Variants in UNC13B observed in about 807,000 individuals in gnomAD.
The protein encoded by UNC13B is protein unc-13 homolog B.
UNC13B carries 144 observed loss-of-function variants against 211.0 expected under a neutral mutation model. The observed-to-expected ratio is 0.68, with a 90% CI of 0.60 to 0.78. The LOEUF (loss-of-function observed/expected upper bound fraction) is 0.78. Ranked by LOEUF, UNC13B falls within the 30% of genes least tolerant of loss-of-function variation. The pLI is 0.00. For synonymous variants in UNC13B, 709 were observed against 725.8 expected, an observed-to-expected ratio of 0.98 and a Z score of 0.37; for missense variants, 1,777 against 2,002.0, an observed-to-expected ratio of 0.89 and a Z score of 2.14.
In UNC13B at chr9:35,245,018, C is replaced by CTT. The variant is rs561154416; in HGVS notation, c.468+1656_468+1657dup. On this transcript the variant is annotated intron_variant, in intron 6 of 39. Transcript: ENST00000635942. Reference sequence around the variant, plus strand: ...CTTCATTGTTGAAAGCTCCAGTCCTCTTTCTCCACTTAGTAACTCTGAGCA... The same window carrying CTT: ...CTTCATTGTTGAAAGCTCCAGTCCTCTTTTTCTCCACTTAGTAACTCTGAGCA... Among the ~76,000 whole-genome samples, 129 of 152,278 alleles carry CTT rather than the reference C, an allele frequency of 8.5e-4. 4 individuals carry two copies. In the South Asian group the frequency reaches 0.025, roughly 30 times the overall value.
In UNC13B at chr9:35,364,135, G is replaced by A. The variant is rs1346829709; in HGVS notation, c.9415-2812G>A. Among the ~76,000 whole-genome samples, 7 of 130,656 alleles carry A rather than the reference G, an allele frequency of 5.4e-5. 3 individuals are homozygous for A. The highest frequency in any genetic ancestry group is 3.3e-4 in the African/African-American group (7 of 21,504). The allele number at this position is 130,656 out of a possible 152,430, so 85.7% of individuals were successfully genotyped here. ...TACCAGATCTAGAATAAGCTCACGT[G>A]GCTTCTGAGGAAGGAAATCACTCTG... On this transcript the variant is annotated intron_variant, in intron 11 of 39. Transcript: ENST00000635942.
At chr9:35,215,848 A>G (rs180709176) in intron 1 of UNC13B, among the ~76,000 whole-genome samples, 29 of 152,324 alleles carry the variant, frequency 1.9e-4, no homozygotes, top group African/African-American at 6.5e-4. Context: ...TCTGAGCCGG[A>G]GTTTTAATCG....
intron 6 of UNC13B, 119 bp from the exon 7 acceptor site, chr9:35,258,874 C>A: frequency 1.2e-6 from 1 of 865,566 alleles, no homozygotes; most frequent in East Asian, 2.6e-5. Flanking sequence ...TGTTTCTGTT[C>A]AATAAAAATT....
At chr9:35,227,247 A>G (rs1824900719) in intron 1 of UNC13B, among the ~76,000 whole-genome samples, 1 of 152,218 alleles carries the variant, frequency 6.6e-6, no homozygotes, top group South Asian at 2.1e-4. Context: ...CAGGACTTGG[A>G]TGTTAGTTAA....
At chr9:35,314,803 A>G (rs77828145) in intron 11 of UNC13B, among the ~76,000 whole-genome samples, 7 of 60,450 alleles carry the variant, frequency 1.2e-4, no homozygotes, top group Non-Finnish European at 1.9e-4. Flanking sequence ...CATGGTGTGT[A>G]TATATATATA....
chr9:35,391,897 C>G (rs1835559742), intron 26 of UNC13B, among the ~76,000 whole-genome samples: 1 of 152,186 alleles, frequency 6.6e-6, no homozygotes. Context: ...GCCAGCCCTG[C>G]ATTTATCAAT....
intron 7 of UNC13B, among the ~76,000 whole-genome samples, chr9:35,269,984 G>T (rs1346479908): frequency 6.6e-6 from 1 of 151,840 alleles, no homozygotes; most frequent in African/African-American, 2.4e-5. Flanking sequence ...TTGGCCTATG[G>T]GTGTTCCTTT....
chr9:35,278,980 T>C (rs1202276860), intron 7 of UNC13B, among the ~76,000 whole-genome samples: 1 of 152,172 alleles, frequency 6.6e-6, no homozygotes, highest in African/African-American at 2.4e-5. Flanking sequence ...TTGCTTTTTA[T>C]CATATAATAT....
intron 3 of UNC13B, among the ~76,000 whole-genome samples, chr9:35,235,449 C>G (rs974825032): frequency 6.6e-6 from 1 of 152,026 alleles, no homozygotes; most frequent in Non-Finnish European, 1.5e-5. Flanking sequence ...CCCCCCGCCC[C>G]GCCCCGGCTT....
At chr9:35,175,951 A>G (rs765624358) in intron 1 of UNC13B, among the ~76,000 whole-genome samples, 1 of 150,644 alleles carries the variant, frequency 6.6e-6, no homozygotes, top group Non-Finnish European at 1.5e-5. Flanking sequence ...GCTTGAACCC[A>G]GAAAGCAGAG....
chr9:35,263,492 C>G (rs1303339570), intron 7 of UNC13B, among the ~76,000 whole-genome samples: 1 of 152,022 alleles, frequency 6.6e-6, no homozygotes, highest in Non-Finnish European at 1.5e-5. Flanking sequence ...TCTGTATATG[C>G]AGGTTTCACA....
intron 7 of UNC13B, among the ~76,000 whole-genome samples, chr9:35,269,666 A>G (rs1019816073): frequency 5.3e-5 from 8 of 152,186 alleles, no homozygotes; most frequent in Admixed American, 3.3e-4. Context: ...TAACTCAGGT[A>G]TGATTGAAAG....
chr9:35,209,183 G>T (rs1218230045), intron 1 of UNC13B, among the ~76,000 whole-genome samples: 2 of 152,052 alleles, frequency 1.3e-5, no homozygotes, highest in Non-Finnish European at 2.9e-5. Flanking sequence ...TCCTGCTTCA[G>T]CCTCCTGAGT....
rs557791976 is a variant in UNC13B, at chr9:35,392,043, C to T, written c.11308+1329C>T. Among the ~76,000 whole-genome samples the T allele has an allele frequency of 2.6e-4, 40 of 152,228 alleles. No individual in the cohort carries two copies. The South Asian group carries it at 4.4e-3, about 17-fold the overall frequency. On this transcript the variant is annotated intron_variant, in intron 26 of 39. Coordinates refer to ENST00000635942, the MANE Select transcript of UNC13B (RefSeq NM_001371189.2). The stretch of plus-strand genomic sequence containing the variant: ...GCCTGATTTCATACCTCAATTTCAC[C>T]GCCTATGTAGCACTGTGAATTTGGT...
rs138617360 is a variant in UNC13B, at chr9:35,344,594, C to G, written c.9415-22353C>G. ...AGCTTCCAATGTAATGGAGTTCACA[C>G]CCGCTGCGGATCTTTGAATAGGAGC... On this transcript the variant is annotated intron_variant, in intron 11 of 39. Coordinates refer to ENST00000635942, the MANE Select transcript of UNC13B (RefSeq NM_001371189.2). Among the ~76,000 whole-genome samples, 626 of 152,184 alleles carry G rather than the reference C, an allele frequency of 4.1e-3. 3 individuals are homozygous for G. The highest frequency in any genetic ancestry group is 6.6e-3 in the Non-Finnish European group (449 of 68,002).
At chr9:35,270,028 A>G (rs976940962) in intron 7 of UNC13B, among the ~76,000 whole-genome samples, 1 of 152,120 alleles carries the variant, frequency 6.6e-6, no homozygotes, top group African/African-American at 2.4e-5. Context: ...ACATGGCCCT[A>G]TCATTCTTTG....
At chr9:35,248,155 G>T (rs981238692) in intron 6 of UNC13B, among the ~76,000 whole-genome samples, 7 of 152,302 alleles carry the variant, frequency 4.6e-5, no homozygotes, top group East Asian at 1.9e-4. Flanking sequence ...GGTGTTTATA[G>T]TATTCTCTGA....
intron 10 of UNC13B, among the ~76,000 whole-genome samples, chr9:35,311,829 A>T (rs1830194643): frequency 6.6e-6 from 1 of 152,140 alleles, no homozygotes; most frequent in Non-Finnish European, 1.5e-5. Flanking sequence ...ATTGGTATCC[A>T]TAGGAAGAAA....
rs1834069880 is a variant in UNC13B at position 35,370,834 on chromosome 9, CT to C, written c.9540+442del. On this transcript the variant is annotated intron_variant, in intron 13 of 39. Transcript: ENST00000635942. ...CAAAAGTCTCTTCTCAAGACATAGG[CT>C]TTTGAGACTATCTCTGTAACCTAGT... Among the ~76,000 whole-genome samples the C allele has an allele frequency of 2.0e-5, 3 of 152,304 alleles. No homozygotes were observed. The South Asian group carries it at 6.2e-4, about 32-fold the overall frequency.
Sources: allele counts gnomAD v4.1 joint callset (sites outside exome capture counted in the v4.1 genomes callset), GRCh38; gene constraint gnomAD v4.1.1; transcripts MANE v1.5; gene names NCBI Gene and HGNC (gene_info 2026-07-23, HGNC 2026-07-21).